The following CSMD1 variants were observed in gnomAD, a reference collection of about 807,000 sequenced individuals.
CSMD1 encodes the protein CUB and Sushi multiple domains 1, also known as CUB and sushi domain-containing protein 1.
In CSMD1, 213 loss-of-function variants were observed where a neutral mutation model predicts 417.5. That is an observed-to-expected ratio of 0.51 (90% CI 0.46 to 0.57). The LOEUF is 0.57. Ranked by LOEUF, CSMD1 falls within the 20% of genes least tolerant of loss-of-function variation. CSMD1 has a pLI of 0.00. For missense variants in CSMD1, 6,923 were observed against 4,529.7 expected (o/e 1.53, Z -15.17); for synonymous variants, 2,862 against 1,736.8 (o/e 1.65, Z -16.11).
At chr8:4,210,221 G>C (rs1381790751) in intron 3 of CSMD1, among the ~76,000 whole-genome samples, 1 of 152,170 alleles carries the variant, frequency 6.6e-6, no homozygotes. Flanking sequence ...CCAGCATGCT[G>C]GGCATGACTT....
At chr8:3,777,514 C>G (rs950763728) in intron 5 of CSMD1, among the ~76,000 whole-genome samples, 1 of 152,172 alleles carries the variant, frequency 6.6e-6, no homozygotes, top group African/African-American at 2.4e-5. Context: ...GCTCTGAGCA[C>G]CATAAAATCC....
intron 41 of CSMD1, among the ~76,000 whole-genome samples, chr8:3,133,813 T>C (rs1192423502): frequency 2.6e-5 from 4 of 152,178 alleles, no homozygotes; most frequent in African/African-American, 9.6e-5. Context: ...TGCAGCTGCC[T>C]CACAAGTCAA....
chr8:3,305,713 ACTGTTG>A (rs1017114981), intron 25 of CSMD1, among the ~76,000 whole-genome samples: 4 of 152,124 alleles, frequency 2.6e-5, no homozygotes, highest in African/African-American at 9.7e-5. Flanking sequence ...ACACAGTCTC[ACTGTTG>A]CCCAGGTTGG....
chr8:3,386,828 T>C (rs1766007952), intron 18 of CSMD1, among the ~76,000 whole-genome samples: 1 of 152,134 alleles, frequency 6.6e-6, no homozygotes, highest in Admixed American at 6.5e-5. Context: ...AAGGGCAAAA[T>C]ACCCCAAGTT....
intron 1 of CSMD1, among the ~76,000 whole-genome samples, chr8:4,900,731 G>C (rs985874435): frequency 1.3e-5 from 2 of 152,170 alleles, no homozygotes; most frequent in African/African-American, 4.8e-5. Flanking sequence ...CACTCACGGA[G>C]TTAACTTATC....
intron 3 of CSMD1, among the ~76,000 whole-genome samples, chr8:4,182,277 G>C (rs1012797319): frequency 6.6e-6 from 1 of 152,048 alleles, no homozygotes; most frequent in South Asian, 2.1e-4. Context: ...TGCATGATTT[G>C]TTTAAAAGAG....
chr8:3,718,964 G>A (rs1162587275), intron 6 of CSMD1, among the ~76,000 whole-genome samples: 3 of 152,076 alleles, frequency 2.0e-5, no homozygotes, highest in Admixed American at 6.6e-5. Context: ...GGAGCGAGAA[G>A]ATAAGAAAGC....
intron 12 of CSMD1, among the ~76,000 whole-genome samples, chr8:3,460,853 C>G (rs1179875471): frequency 1.3e-5 from 2 of 152,164 alleles, no homozygotes; most frequent in East Asian, 1.9e-4. Flanking sequence ...AGTCCCAGGT[C>G]AGGAAGCTTG....
chr8:4,982,992 C>G (rs141340813), intron 1 of CSMD1, among the ~76,000 whole-genome samples: 1,714 of 152,148 alleles, frequency 0.011, 24 homozygotes, highest in Non-Finnish European at 0.015. Flanking sequence ...TCATGAAGAT[C>G]AAAATGACAA....
chr8:4,789,473 C>T (rs1241353071), intron 1 of CSMD1, among the ~76,000 whole-genome samples: 3 of 152,124 alleles, frequency 2.0e-5, no homozygotes, highest in African/African-American at 4.8e-5. Context: ...AAACGCCTGG[C>T]ACCTGGTTTA....
At chr8:3,915,317 A>G (rs1808741034) in intron 5 of CSMD1, among the ~76,000 whole-genome samples, 1 of 149,848 alleles carries the variant, frequency 6.7e-6, no homozygotes, top group African/African-American at 2.5e-5. Context: ...AAGGCAGGAG[A>G]ATCATTTGAA....
intron 1 of CSMD1, among the ~76,000 whole-genome samples, chr8:4,799,598 C>A (rs1182300653): frequency 4.2e-5 from 2 of 47,170 alleles, no homozygotes; most frequent in Non-Finnish European, 6.8e-5. Flanking sequence ...GACTCCGTCT[C>A]AAAAAAAAAA....
At chr8:4,289,616 G>C (rs996264489) in intron 3 of CSMD1, among the ~76,000 whole-genome samples, 17 of 152,192 alleles carry the variant, frequency 1.1e-4, no homozygotes, top group African/African-American at 2.9e-4. Context: ...GTGGATGATG[G>C]TGGGGATCTG....
chr8:4,546,842 C>T (rs1263474573), intron 2 of CSMD1, among the ~76,000 whole-genome samples: 1 of 151,854 alleles, frequency 6.6e-6, no homozygotes, highest in Non-Finnish European at 1.5e-5. Flanking sequence ...TATAATACAA[C>T]ATATGCATAT....
intron 20 of CSMD1, among the ~76,000 whole-genome samples, chr8:3,360,330 TG>T (rs1809075809): frequency 6.6e-6 from 1 of 152,256 alleles, no homozygotes; most frequent in South Asian, 2.1e-4. Flanking sequence ...CTTCTGTGTT[TG>T]CCACGTTCTT....
At chr8:4,882,234 C>G (rs1206859477) in intron 1 of CSMD1, among the ~76,000 whole-genome samples, 2 of 151,880 alleles carry the variant, frequency 1.3e-5, no homozygotes, top group Non-Finnish European at 2.9e-5. Context: ...GACCAGCATC[C>G]TCTACGTGCC....
chr8:4,854,318 T>C (rs574844515), intron 1 of CSMD1, among the ~76,000 whole-genome samples: 1 of 152,160 alleles, frequency 6.6e-6, no homozygotes, highest in African/African-American at 2.4e-5. Context: ...CCGAGGCAGA[T>C]CCCTCATAAA....
intron 2 of CSMD1, among the ~76,000 whole-genome samples, chr8:4,456,579 TCACA>T (rs981491822): frequency 1.3e-5 from 2 of 152,140 alleles, no homozygotes; most frequent in African/African-American, 4.8e-5. Context: ...CCCTGTCTTC[TCACA>T]AACACGGCTG....
At chr8:4,115,112 T>C (rs1011540717) in intron 3 of CSMD1, among the ~76,000 whole-genome samples, 1 of 152,178 alleles carries the variant, frequency 6.6e-6, no homozygotes, top group African/African-American at 2.4e-5. Flanking sequence ...GATAAATCTT[T>C]CATGAAAAAA....
Sources: gnomAD v4.1 joint callset for allele counts (sites outside exome capture counted in the v4.1 genomes callset) on GRCh38, gnomAD v4.1.1 for gene constraint, MANE v1.5 for transcripts, NCBI Gene and HGNC (gene_info 2026-07-23, HGNC 2026-07-21) for gene names.